Variants in RAP1GAP2 observed in about 807,000 individuals in gnomAD.
RAP1GAP2 encodes the protein RAP1 GTPase activating protein 2.
RAP1GAP2 carries 27 observed loss-of-function variants against 95.0 expected under a neutral mutation model. The observed-to-expected ratio is 0.28, with a 90% CI of 0.21 to 0.39. RAP1GAP2 has a LOEUF of 0.39. Ranked by LOEUF, RAP1GAP2 falls within the 10% of genes least tolerant of loss-of-function variation. The pLI is 1.00. For missense variants in RAP1GAP2, 771 were observed against 970.0 expected (o/e 0.79, Z 2.72); for synonymous variants, 373 against 380.9 (o/e 0.98, Z 0.24).
At chr17:2,791,678 C>T (rs931472415), upstream of RAP1GAP2, among the ~76,000 whole-genome samples, 6 of 152,028 alleles carry the variant, frequency 3.9e-5, no homozygotes, top group Admixed American at 6.6e-5. Flanking sequence ...CGCTTTGGTC[C>T]GCGCTGGCCC....
rs569116525 is a variant in RAP1GAP2 at position 2,827,064 on chromosome 17, C to A, written c.80+26514C>A. Among the ~76,000 whole-genome samples the A allele has an allele frequency of 6.6e-6, 1 of 152,176 alleles. No individual in the cohort carries two copies. The highest frequency in any genetic ancestry group is 6.5e-5 in the Admixed American group (1 of 15,268). ...AGAGAAAGAAAGAAAGAGAAAGTCC[C>A]ATGGAAATGGGGGTTTCACATTTGG... On this transcript the variant is annotated intron_variant, in intron 2 of 24. Transcript: ENST00000254695. The surrounding 1 kb of genome is among the most constrained non-coding windows in gnomAD (Gnocchi z 4.1).
At chr17:3,028,711 G>A (rs939524918) in intron 22 of RAP1GAP2, among the ~76,000 whole-genome samples, 1 of 152,180 alleles carries the variant, frequency 6.6e-6, no homozygotes, top group Non-Finnish European at 1.5e-5. Context: ...GGGCAGCTGC[G>A]GAGCTGGGTT....
At chr17:2,877,186 G>C (rs1250363712) in intron 2 of RAP1GAP2, among the ~76,000 whole-genome samples, 4 of 152,108 alleles carry the variant, frequency 2.6e-5, no homozygotes, top group African/African-American at 9.7e-5. Context: ...ACTGTGCCCA[G>C]CCTTGGTTTA....
intron 3 of RAP1GAP2, 55 bp downstream of exon 3, chr17:2,905,423 G>C: frequency 6.4e-7 from 1 of 1,565,926 alleles, no homozygotes; most frequent in Non-Finnish European, 8.7e-7. Context: ...GAAGTTGTGA[G>C]GCCTTGCTGT....
chr17:3,032,296 C>CCGAA (rs2047347049), intron 23 of RAP1GAP2, 115 bp from the exon 24 acceptor site: 3 of 1,196,482 alleles, frequency 2.5e-6, no homozygotes, highest in South Asian at 1.3e-5. Flanking sequence ...TCCTGGGGTC[C>CCGAA]TGAATCCCTT....
intron 2 of RAP1GAP2, among the ~76,000 whole-genome samples, chr17:2,826,305 A>G (rs1597382190): frequency 6.6e-6 from 1 of 151,818 alleles, no homozygotes; most frequent in African/African-American, 2.4e-5. Context: ...TGCAGGGGGC[A>G]TTTCACACTG....
chr17:2,823,768 G>A (rs1055955242), intron 2 of RAP1GAP2, among the ~76,000 whole-genome samples: 1 of 152,180 alleles, frequency 6.6e-6, no homozygotes, highest in Non-Finnish European at 1.5e-5. Context: ...GGGAAAGGGT[G>A]CAGAGCAATT....
In RAP1GAP2 at chr17:2,906,613, C is replaced by A. The variant is rs910953270; in HGVS notation, c.165+1245C>A. 6.6e-6 allele frequency among the ~76,000 whole-genome samples: 1 copy of A among 151,840 alleles called. No homozygotes were observed. The highest frequency in any genetic ancestry group is 2.4e-5 in the African/African-American group (1 of 41,354). Reference sequence around the variant, plus strand: ...CCCAGCTCAGTGTTGGTATCTGAGCCGGGTGCTGGGCCAGCTCTTTGCACA... The same window carrying A: ...CCCAGCTCAGTGTTGGTATCTGAGCAGGGTGCTGGGCCAGCTCTTTGCACA... On this transcript the variant is annotated intron_variant, in intron 3 of 24. Coordinates refer to ENST00000254695, the MANE Select transcript of RAP1GAP2 (RefSeq NM_015085.5). The surrounding 1 kb of genome is among the most constrained non-coding windows in gnomAD (Gnocchi z 4.3).
At chr17:2,790,927 G>A (rs569067026) in intron 1 of RAP1GAP2, among the ~76,000 whole-genome samples, 239 of 152,268 alleles carry the variant, frequency 1.6e-3, no homozygotes, top group African/African-American at 5.2e-3. Context: ...CGGGCGCTGC[G>A]AGCGCCGTGG....
rs540036510 is a variant in RAP1GAP2 at position 2,891,978 on chromosome 17, C to T, written c.81-13306C>T. ...AGCTGGGACTACAGTCATGTGCCACCATGCCCGGCTAATTTTTGTATTTTT... is the reference window on the plus strand; with the variant it reads ...AGCTGGGACTACAGTCATGTGCCACTATGCCCGGCTAATTTTTGTATTTTT... On this transcript the variant is annotated intron_variant, in intron 2 of 24. Coordinates refer to ENST00000254695, the MANE Select transcript of RAP1GAP2 (RefSeq NM_015085.5). 3.9e-3 allele frequency among the ~76,000 whole-genome samples: 585 copies of T among 151,720 alleles called. 1 individual carries two copies. Among genetic ancestry groups the T allele is most frequent in the Non-Finnish European group, 6.4e-3 (434 of 67,896 alleles).
chr17:2,949,353 G>GA (rs2043828311), intron 3 of RAP1GAP2, among the ~76,000 whole-genome samples: 2 of 152,228 alleles, frequency 1.3e-5, no homozygotes, highest in Non-Finnish European at 2.9e-5. Flanking sequence ...TCCGGAGGCT[G>GA]TCCCGGGCAG....
At chr17:2,761,988 T>C (rs2071259932) in intron 1 of RAP1GAP2, among the ~76,000 whole-genome samples, 1 of 134,614 alleles carries the variant, frequency 7.4e-6, no homozygotes, top group Non-Finnish European at 1.6e-5. Flanking sequence ...TCTTTTTTTT[T>C]TTTTTTTTTT....
chr17:2,803,642 G>A (rs2069393112), intron 2 of RAP1GAP2, among the ~76,000 whole-genome samples: 1 of 152,236 alleles, frequency 6.6e-6, no homozygotes, highest in African/African-American at 2.4e-5. Context: ...ACTTTCGGAG[G>A]TCGAGGCACG....
chr17:2,786,383 A>G (rs1372276976), intron 1 of RAP1GAP2, among the ~76,000 whole-genome samples: 1 of 152,224 alleles, frequency 6.6e-6, no homozygotes, highest in Non-Finnish European at 1.5e-5. Flanking sequence ...AGAGGGCAAC[A>G]TGGCTGCCAT....
intron 3 of RAP1GAP2, among the ~76,000 whole-genome samples, chr17:2,924,461 G>T (rs1225869897): frequency 6.6e-6 from 1 of 151,916 alleles, no homozygotes; most frequent in Non-Finnish European, 1.5e-5. Context: ...GTCTCTAAAC[G>T]GGAAGCCAGA....
chr17:2,769,487 G>A (rs1368523991), intron 1 of RAP1GAP2, among the ~76,000 whole-genome samples: 5 of 151,416 alleles, frequency 3.3e-5, no homozygotes, highest in Admixed American at 6.6e-5. Context: ...CCTGGAAGGC[G>A]GAGCTTGCAG....
chr17:2,773,549 G>A (rs2068437604), upstream of RAP1GAP2, among the ~76,000 whole-genome samples: 1 of 152,000 alleles, frequency 6.6e-6, no homozygotes, highest in Admixed American at 6.6e-5. Context: ...ATGAGGGAAG[G>A]TGTGACCAGT....
upstream of RAP1GAP2, among the ~76,000 whole-genome samples, chr17:2,776,162 G>C (rs1423434387): frequency 3.4e-5 from 5 of 148,580 alleles, no homozygotes. Context: ...CTGGGGGACA[G>C]AGCAAGACTC....
intron 1 of RAP1GAP2, among the ~76,000 whole-genome samples, chr17:2,762,041 C>T (rs1360069156): frequency 7.7e-6 from 1 of 129,054 alleles, no homozygotes; most frequent in Non-Finnish European, 1.5e-5. Context: ...CATGCTGGAG[C>T]ACAGTGGTGC....
Sources: allele counts gnomAD v4.1 joint callset (sites outside exome capture counted in the v4.1 genomes callset), GRCh38; gene constraint gnomAD v4.1.1; non-coding constraint Gnocchi (gnomAD v3.1); transcripts MANE v1.5; gene names NCBI Gene and HGNC (gene_info 2026-07-23, HGNC 2026-07-21).